Variants in ESX1 observed in about 807,000 individuals in gnomAD.
The protein encoded by ESX1 is ESX homeobox 1.
Under a neutral mutation model 13.2 loss-of-function variants are expected in ESX1, and 2 were observed. The observed-to-expected ratio is 0.15, with a 90% confidence interval of 0.06 to 0.48. The LOEUF is 0.48. ESX1 is among the 20% of genes least tolerant of loss of function. The pLI, the probability that ESX1 is intolerant of heterozygous loss-of-function variation, is 0.97. For missense variants in ESX1, 307 were observed against 379.0 expected, an observed-to-expected ratio of 0.81 and a Z score of 1.58; for synonymous variants, 157 against 163.1, an observed-to-expected ratio of 0.96 and a Z score of 0.29.
rs1449639578 is a variant in ESX1 at position 104,250,392 on chromosome X, G to A, written c.1057C>T (p.Pro353Ser). The stretch of plus-strand genomic sequence containing the variant: ...GGCCCGGGTGGCAGAGGCGCCATGG[G>A]CGGCCCGGGTGGCAGAGGCGCCATG... The part of the protein sequence containing the change: ...PPMAPLPPGP[P>S]MAPLPPGPPM... The change falls in exon 4 of 4, where the codon CCC becomes TCC. Residue 353 changes from proline to serine, a missense_variant. Coordinates refer to ENST00000372588, the MANE Select transcript of ESX1 (RefSeq NM_153448.4). 1 of 1,022,165 alleles carries A rather than the reference G, an allele frequency of 9.8e-7. No homozygotes were observed. Among genetic ancestry groups the A allele is most frequent in the Non-Finnish European group, 1.2e-6 (1 of 806,108 alleles). 84.2% of individuals were successfully genotyped at this position (1,022,165 alleles called of 1,213,427 possible). A position where few individuals can be genotyped will look rare whatever the true frequency, so the allele number is the denominator to read the frequency against.
chrX:104,251,977 G>C (rs1486174692), intron 3 of ESX1, among the ~76,000 whole-genome samples: 1 of 111,558 alleles, frequency 9.0e-6, no homozygotes, highest in Non-Finnish European at 1.9e-5. Context: ...CTTAGGTAAG[G>C]GAATTTTATT....
intron 3 of ESX1, among the ~76,000 whole-genome samples, chrX:104,251,451 G>A (rs782516754): frequency 8.9e-6 from 1 of 111,826 alleles, no homozygotes; most frequent in South Asian, 3.8e-4. Context: ...ATGGGCCCCT[G>A]GCATCAGGAC....
chrX:104,252,189 A>G (rs910818108), intron 3 of ESX1, among the ~76,000 whole-genome samples: 1 of 112,344 alleles, frequency 8.9e-6, no homozygotes, highest in Admixed American at 9.5e-5. Flanking sequence ...CTTCACTCCA[A>G]TGCCTAAATA....
chrX:104,250,984 C>T (rs1923171388), intron 3 of ESX1, 88 bp from the exon 4 acceptor site: 1 of 829,387 alleles, frequency 1.2e-6, no homozygotes, highest in African/African-American at 2.0e-5. Context: ...CTATATGCCA[C>T]TGAGACTTTA....
At chrX:104,251,298 T>TCTTC (rs1443472454) in intron 3 of ESX1, among the ~76,000 whole-genome samples, 2 of 112,507 alleles carry the variant, frequency 1.8e-5, no homozygotes, top group East Asian at 5.6e-4. Context: ...TCTGGCTCTT[T>TCTTC]CTTCCTTCCT....
At chrX:104,253,093 G>C (rs1923222604) in intron 2 of ESX1, among the ~76,000 whole-genome samples, 1 of 108,391 alleles carries the variant, frequency 9.2e-6, no homozygotes, top group South Asian at 4.1e-4. Context: ...AGGCTGCAGC[G>C]AGAAGAGATC....
In ESX1 at chrX:104,250,696, A is replaced by C. The variant is rs1556394110; in HGVS notation, c.753T>G (p.Pro251=). The C allele has an allele frequency of 1.1e-5, 13 of 1,209,690 alleles. No individual in the cohort carries two copies. The highest frequency in any genetic ancestry group is 1.5e-5 in the Non-Finnish European group (13 of 894,963). The part of the protein sequence containing the change: ...LPRPPVLPVP[P]MPPRPPMVPM... ...GGACCATGGGTGGCCTGGGTGGCATAGGTGGCACAGGCAGCACAGGTGGTC... is the reference window on the plus strand; with the variant it reads ...GGACCATGGGTGGCCTGGGTGGCATCGGTGGCACAGGCAGCACAGGTGGTC... Residue 251 remains proline, a synonymous_variant, in exon 4 of 4, where the codon CCT becomes CCG. Transcript: ENST00000372588.
chrX:104,254,933 TG>T (rs1260394091), upstream of ESX1: 91 of 815,090 alleles, frequency 1.1e-4, no homozygotes, highest in Non-Finnish European at 1.5e-4. Context: ...GAACTGGCTC[TG>T]GGACCAATGG....
rs781963883 is a variant in ESX1, at chrX:104,250,502, G to A, written c.947C>T (p.Pro316Leu). The stretch of plus-strand genomic sequence containing the variant: ...CCCGGGTGGCACAGGCGCCATGGGC[G>A]GCCCGGTTGGCACAGGCGCCATGGG... ...WPPMAPVPTG[P>L]PMAPVPPGPP... is the part of the protein sequence containing the mutation. The change falls in exon 4 of 4, where the codon CCG (proline) becomes CTG (leucine). Residue 316 changes from proline (P) to leucine (L), a missense_variant. Physicochemically the swap from Pro to Leu is moderately conservative, Grantham distance 98. Around this residue, in one of 3 missense-constraint regions of ESX1, gnomAD observed 47 missense variants for 117.0 expected, o/e 0.40. Transcript: ENST00000372588. 2 of 1,015,715 alleles carry A rather than the reference G, an allele frequency of 2.0e-6. No homozygotes were observed. The highest frequency in any genetic ancestry group is 2.5e-6 in the Non-Finnish European group (2 of 800,139). 83.7% of individuals were successfully genotyped at this position (1,015,715 alleles called of 1,213,427 possible). A position where few individuals can be genotyped will look rare whatever the true frequency, so the allele number is the denominator to read the frequency against.
In ESX1 at chrX:104,254,528, C is replaced by G. The variant is rs149394798; in HGVS notation, c.132G>C (p.Glu44Asp). The change falls in exon 2 of 4, where the codon GAG (glutamate) becomes GAC (aspartate). Residue 44 changes from glutamate to aspartate, a missense_variant. Glu to Asp is a conservative substitution (Grantham distance 45). Transcript: ENST00000372588. ...TSLMARGGED[E>D]ENTRSKPEYG... ...ACTCAGGTTTGGACCGTGTATTCTC[C>G]TCGTCCTCTCCTCCCCTTGCCATCA... 1.7e-6 allele frequency: 2 copies of G among 1,210,041 alleles called. No homozygotes were observed. Among genetic ancestry groups the G allele is most frequent in the African/African-American group, 3.5e-5 (2 of 57,294 alleles).
At chrX:104,252,631 T>C (rs1374937005) in intron 3 of ESX1, 152 bp downstream of exon 3, 11 of 533,137 alleles carry the variant, frequency 2.1e-5, no homozygotes, top group Non-Finnish European at 3.2e-5. Flanking sequence ...ACACATCCTA[T>C]TTTCTACCAC....
intron 2 of ESX1, among the ~76,000 whole-genome samples, chrX:104,253,793 A>G (rs1172115088): frequency 8.9e-6 from 1 of 112,533 alleles, no homozygotes; most frequent in Non-Finnish European, 1.9e-5. Flanking sequence ...TCCACGTGGC[A>G]GGGCGGTTAC....
chrX:104,251,008 G>A, intron 3 of ESX1, 112 bp from the exon 4 acceptor site: 1 of 675,042 alleles, frequency 1.5e-6, no homozygotes, highest in Non-Finnish European at 2.2e-6. Context: ...TGCAACAGGT[G>A]AAGCTATTTT....
intron 3 of ESX1, among the ~76,000 whole-genome samples, chrX:104,252,567 C>T (rs1923210807): frequency 9.0e-6 from 1 of 111,511 alleles, no homozygotes; most frequent in Non-Finnish European, 1.9e-5. Flanking sequence ...TCTTTTTTTC[C>T]TTTAGGAAAT....
Position 104,250,640 on chromosome X carries a change from A to G in ESX1, c.809T>C (p.Met270Thr). 3 of 1,209,007 alleles carry G rather than the reference A, an allele frequency of 2.5e-6. No homozygotes were observed. Among genetic ancestry groups the G allele is most frequent in the Non-Finnish European group, 3.4e-6 (3 of 893,707 alleles). Reference protein sequence around the residue: ...PMPPRPPIAPMPPMAPVPPGS... With the variant: ...PMPPRPPIAPTPPMAPVPPGS... ...GGGTGGCACAGGCGCCATGGGTGGC[A>G]TAGGTGCTATGGGTGGCCTGGGTGG... is the stretch of plus-strand genomic sequence containing the variant. The change falls in exon 4 of 4, where the codon ATG becomes ACG. Residue 270 changes from methionine to threonine, a missense_variant. Transcript: ENST00000372588.
At chrX:104,251,765 A>G (rs1266025230) in intron 3 of ESX1, among the ~76,000 whole-genome samples, 1 of 111,315 alleles carries the variant, frequency 9.0e-6, no homozygotes, top group Non-Finnish European at 1.9e-5. Flanking sequence ...AGAACCCCCT[A>G]ATCAATCAAA....
Position 104,250,632 on chromosome X carries a change from T to C in ESX1, c.817A>G (p.Met273Val). ...PRPPIAPMPP[M>V]APVPPGSRMA... ...CGTGAGCCGGGTGGCACAGGCGCCA[T>C]GGGTGGCATAGGTGCTATGGGTGGC... Residue 273 changes from methionine (M) to valine (V), a missense_variant, in exon 4 of 4, where the codon ATG becomes GTG. Met to Val is a conservative substitution (Grantham distance 21, BLOSUM62 1). Coordinates refer to ENST00000372588, the MANE Select transcript of ESX1 (RefSeq NM_153448.4). 10 of 1,207,880 alleles carry C rather than the reference T, an allele frequency of 8.3e-6. No individual in the cohort carries two copies. Among genetic ancestry groups the C allele is most frequent in the Non-Finnish European group, 1.1e-5 (10 of 893,145 alleles).
At position 104,252,966 on chromosome X, in the gene ESX1, T is replaced by C. The variant is rs186419651; in HGVS notation, c.507-138A>G. 47 of 506,619 alleles carry C rather than the reference T, an allele frequency of 9.3e-5. No homozygotes were observed. In the African/African-American group the frequency reaches 1.0e-3, roughly 11 times the overall value. 41.8% of individuals were successfully genotyped at this position (506,619 alleles called of 1,213,427 possible). The stretch of plus-strand genomic sequence containing the variant: ...GAGTTGGAGACAAGCCTGGCCAGCA[T>C]GGTGAAACCCTGTCTCTACTAAAAA... On this transcript the variant is annotated intron_variant, in intron 2 of 3. Coordinates refer to ENST00000372588, the MANE Select transcript of ESX1 (RefSeq NM_153448.4).
At chrX:104,253,760 G>A (rs1923246381) in intron 2 of ESX1, among the ~76,000 whole-genome samples, 1 of 111,783 alleles carries the variant, frequency 8.9e-6, no homozygotes, top group African/African-American at 3.2e-5. Flanking sequence ...TCAAAAGTCC[G>A]CCCCCTGGTT....
Sources: gnomAD v4.1 joint callset for allele counts (sites outside exome capture counted in the v4.1 genomes callset) on GRCh38, gnomAD v4.1.1 for gene constraint, gnomAD v4.1.1 regional missense constraint, MANE v1.5 for transcripts, NCBI Gene and HGNC (gene_info 2026-07-23, HGNC 2026-07-21) for gene names.